The following VPS26A variants were observed in gnomAD, a reference collection of about 807,000 sequenced individuals.
The protein encoded by VPS26A is VPS26 retromer complex component A, also known as vacuolar protein sorting-associated protein 26A.
Under a neutral mutation model 42.4 loss-of-function variants are expected in VPS26A, and 22 were observed. The observed-to-expected ratio is 0.52, with a 90% CI of 0.37 to 0.74. VPS26A has a LOEUF of 0.74. VPS26A is among the 30% of genes least tolerant of loss of function. VPS26A has a pLI of 0.00. For missense variants in VPS26A, 276 were observed against 379.2 expected, an observed-to-expected ratio of 0.73 and a Z score of 2.26; for synonymous variants, 110 against 123.5, an observed-to-expected ratio of 0.89 and a Z score of 0.73.
chr10:69,153,613 C>G (rs922308232), intron 2 of VPS26A, among the ~76,000 whole-genome samples: 1 of 151,940 alleles, frequency 6.6e-6, no homozygotes, highest in African/African-American at 2.4e-5. Flanking sequence ...CTCTGCCTCC[C>G]AAAGTGCTGA....
intron 8 of VPS26A, among the ~76,000 whole-genome samples, chr10:69,169,407 G>A (rs1841765639): frequency 6.6e-6 from 1 of 152,020 alleles, no homozygotes; most frequent in Non-Finnish European, 1.5e-5. Flanking sequence ...TCCATGAGAT[G>A]ACTGAATTCT....
Position 69,171,172 on chromosome 10 carries a change from G to A in VPS26A, c.887G>A (p.Arg296Lys), listed in dbSNP as rs1170955052. The A allele has an allele frequency of 6.2e-7, 1 of 1,611,386 alleles. No individual in the cohort carries two copies. Among genetic ancestry groups the A allele is most frequent in the Non-Finnish European group, 8.5e-7 (1 of 1,179,466 alleles). The change falls in exon 9 of 9, where the codon AGA becomes AAA. Residue 296 changes from arginine to lysine, a missense_variant. By Grantham distance (26) the Arg-to-Lys change is conservative. Transcript: ENST00000263559. ...YFKQQEIILWRKAPEKLRKQR... is the reference protein window; with the variant it reads ...YFKQQEIILWKKAPEKLRKQR... ...GTTTACTAGGAGATAATTTTATGGA[G>A]AAAAGCTCCTGAAAAACTGAGGAAA...
chr10:69,159,533 GAA>G (rs1018157288), intron 5 of VPS26A, among the ~76,000 whole-genome samples: 9 of 152,130 alleles, frequency 5.9e-5, no homozygotes, highest in African/African-American at 1.9e-4. Context: ...GATATGAATA[GAA>G]AAGAGTCTGC....
At chr10:69,170,090 T>C (rs1246367346) in intron 8 of VPS26A, 3 of 152,200 alleles carry the variant, frequency 2.0e-5, no homozygotes, top group Non-Finnish European at 4.4e-5. Flanking sequence ...AAGTTAGAAA[T>C]TACCCTGTCC....
intron 2 of VPS26A, among the ~76,000 whole-genome samples, chr10:69,146,302 G>T (rs1841159533): frequency 6.6e-6 from 1 of 152,106 alleles, no homozygotes; most frequent in Non-Finnish European, 1.5e-5. Flanking sequence ...GGCCAGGCTG[G>T]TCTCAAACTT....
At chr10:69,142,696 T>G (rs1003739109) in intron 2 of VPS26A, among the ~76,000 whole-genome samples, 7 of 151,644 alleles carry the variant, frequency 4.6e-5, no homozygotes, top group African/African-American at 1.7e-4. Flanking sequence ...GCACACTTAT[T>G]TTAATATAAC....
chr10:69,154,341 A>C (rs1328203442), intron 2 of VPS26A, among the ~76,000 whole-genome samples: 2 of 152,072 alleles, frequency 1.3e-5, no homozygotes, highest in Non-Finnish European at 2.9e-5. Context: ...GTTTGAGACC[A>C]GCCTGAGCAA....
chr10:69,155,721 A>G (rs1378571364), intron 2 of VPS26A, 91 bp from the exon 3 acceptor site: 5 of 923,798 alleles, frequency 5.4e-6, no homozygotes, highest in African/African-American at 1.7e-5. Flanking sequence ...AATACCTGAA[A>G]TATTTATATA....
intron 2 of VPS26A, among the ~76,000 whole-genome samples, chr10:69,136,820 C>T (rs1341334497): frequency 6.8e-6 from 1 of 146,734 alleles, no homozygotes; most frequent in East Asian, 1.9e-4. Flanking sequence ...GAGATGGAGT[C>T]TCGCTCTGTT....
intron 7 of VPS26A, 64 bp from the exon 8 acceptor site, chr10:69,168,425 C>CGACT: frequency 6.5e-7 from 1 of 1,548,130 alleles, no homozygotes; most frequent in Non-Finnish European, 8.8e-7. Context: ...AGTGCTTAGT[C>CGACT]CTACCTGTTA....
chr10:69,149,556 G>A (rs1028256384), intron 2 of VPS26A, among the ~76,000 whole-genome samples: 3 of 152,096 alleles, frequency 2.0e-5, no homozygotes, highest in South Asian at 2.1e-4. Context: ...CCAGCATGGA[G>A]TGCAGTGGTG....
chr10:69,133,320 T>A (rs558475477), intron 2 of VPS26A, among the ~76,000 whole-genome samples: 379 of 151,842 alleles, frequency 2.5e-3, no homozygotes, highest in African/African-American at 8.4e-3. Context: ...AAAAAAATAT[T>A]TTTTTTTTCT....
chr10:69,160,459 AT>A (rs749497920), intron 5 of VPS26A, among the ~76,000 whole-genome samples: 528 of 133,712 alleles, frequency 3.9e-3, no homozygotes, highest in Middle Eastern at 4.3e-3. Flanking sequence ...CGCCCAACAT[AT>A]TTTTTTTTTT....
chr10:69,129,550 A>C (rs1267192696), intron 1 of VPS26A, among the ~76,000 whole-genome samples: 2 of 150,986 alleles, frequency 1.3e-5, no homozygotes, highest in Non-Finnish European at 2.9e-5. Context: ...AAAGAAAAAA[A>C]AATTTTTTTT....
rs1467978267 is a variant in VPS26A at position 69,124,217 on chromosome 10, G to A, written c.-61G>A. 1 of 1,274,750 alleles carries A rather than the reference G, an allele frequency of 7.8e-7. No individual in the cohort carries two copies. The highest frequency in any genetic ancestry group is 3.8e-5 in the South Asian group (1 of 26,316). The allele number at this position is 1,274,750 out of a possible 1,614,324, so 79.0% of individuals were successfully genotyped here. ...GAGCGCCGGAGCGGAGGGAGCCGGGGCTGGGAGTTCTCCTGAGGGAAGAGG... is the reference window on the plus strand; with the variant it reads ...GAGCGCCGGAGCGGAGGGAGCCGGGACTGGGAGTTCTCCTGAGGGAAGAGG... On this transcript the variant is annotated 5_prime_UTR_variant, in exon 1 of 9. Transcript: ENST00000263559.
At chr10:69,141,499 T>C (rs1841038488) in intron 2 of VPS26A, among the ~76,000 whole-genome samples, 1 of 152,228 alleles carries the variant, frequency 6.6e-6, no homozygotes, top group South Asian at 2.1e-4. Flanking sequence ...GAAACAGTCT[T>C]GTTCGTACCT....
chr10:69,154,892 C>A (rs531688063), intron 2 of VPS26A, among the ~76,000 whole-genome samples: 22 of 152,094 alleles, frequency 1.4e-4, no homozygotes, highest in African/African-American at 5.3e-4. Context: ...TGCGCGCACG[C>A]GCACGTGCGT....
At chr10:69,149,269 A>G (rs188053440) in intron 2 of VPS26A, among the ~76,000 whole-genome samples, 140 of 152,326 alleles carry the variant, frequency 9.2e-4, no homozygotes, top group African/African-American at 3.0e-3. Context: ...TGATGCATTG[A>G]AATAGATACA....
At position 69,124,242 on chromosome 10, in the gene VPS26A, G is replaced by C. The variant is rs1840593783; in HGVS notation, c.-36G>C. On this transcript the variant is annotated 5_prime_UTR_variant, in exon 1 of 9. Transcript: ENST00000263559. ...GCTGGGAGTTCTCCTGAGGGAAGAG[G>C]AGTGGAGTAGGGGGGACGCGGCGGC... is the stretch of plus-strand genomic sequence containing the variant. 13 of 1,285,108 alleles carry C rather than the reference G, an allele frequency of 1.0e-5. No individual in the cohort carries two copies. Among genetic ancestry groups the C allele is most frequent in the Admixed American group, 3.6e-5 (1 of 27,652 alleles). The allele number at this position is 1,285,108 out of a possible 1,614,324, so 79.6% of individuals were successfully genotyped here. A position where few individuals can be genotyped will look rare whatever the true frequency, so the allele number is the denominator to read the frequency against.
Sources: allele counts gnomAD v4.1 joint callset (sites outside exome capture counted in the v4.1 genomes callset), GRCh38; gene constraint gnomAD v4.1.1; transcripts MANE v1.5; gene names NCBI Gene and HGNC (gene_info 2026-07-23, HGNC 2026-07-21).